LYPD6B: variants seen among roughly 807,000 people sequenced by gnomAD.
The protein encoded by LYPD6B is LY6/PLAUR domain containing 6B.
Under a neutral mutation model 22.8 loss-of-function variants are expected in LYPD6B, and 17 were observed. The ratio of observed to expected loss-of-function variants is 0.75; its 90% CI spans 0.51 to 1.12. LYPD6B has a LOEUF of 1.12. Ranked by LOEUF, LYPD6B falls within the 50% of genes most tolerant of loss-of-function variation. The pLI is 0.00. For missense variants in LYPD6B, 221 were observed against 258.3 expected, an observed-to-expected ratio of 0.86 and a Z score of 0.99; for synonymous variants, 106 against 91.6, an observed-to-expected ratio of 1.16 and a Z score of -0.90.
At chr2:149,177,212 A>C (rs1691381209) in intron 3 of LYPD6B, among the ~76,000 whole-genome samples, 1 of 152,222 alleles carries the variant, frequency 6.6e-6, no homozygotes. Context: ...TTAGCGTTGC[A>C]TGGAGAGAGC....
chr2:149,141,422 G>A (rs534358175), intron 2 of LYPD6B, among the ~76,000 whole-genome samples: 8 of 152,060 alleles, frequency 5.3e-5, no homozygotes, highest in Non-Finnish European at 8.8e-5. Flanking sequence ...CTATCATTTT[G>A]TTCTGTTATT....
At chr2:149,172,987 T>C (rs1690951822) in intron 3 of LYPD6B, among the ~76,000 whole-genome samples, 1 of 151,824 alleles carries the variant, frequency 6.6e-6, no homozygotes, top group South Asian at 2.1e-4. Flanking sequence ...AGCATATATA[T>C]ATATATATAT....
At chr2:149,194,530 A>G (rs1004559951) in intron 3 of LYPD6B, among the ~76,000 whole-genome samples, 1 of 152,208 alleles carries the variant, frequency 6.6e-6, no homozygotes, top group African/African-American at 2.4e-5. Flanking sequence ...GCTGTATTGT[A>G]TTATAGGCCT....
intron 1 of LYPD6B, among the ~76,000 whole-genome samples, chr2:149,059,802 T>C (rs901651077): frequency 2.0e-5 from 3 of 152,222 alleles, no homozygotes; most frequent in South Asian, 2.1e-4. Flanking sequence ...TAGAGAACTT[T>C]CTGGAGCCTG....
At chr2:149,165,043 G>T (rs969663628) in intron 3 of LYPD6B, among the ~76,000 whole-genome samples, 1 of 152,078 alleles carries the variant, frequency 6.6e-6, no homozygotes, top group South Asian at 2.1e-4. Flanking sequence ...TTCACCTGGG[G>T]TCACTCATGC....
At chr2:149,188,110 G>A (rs1361805536) in intron 3 of LYPD6B, among the ~76,000 whole-genome samples, 1 of 152,156 alleles carries the variant, frequency 6.6e-6, no homozygotes, top group African/African-American at 2.4e-5. Context: ...CCTGGGTACA[G>A]CATTCCTAGT....
At chr2:149,097,519 C>T (rs929016833) in intron 1 of LYPD6B, among the ~76,000 whole-genome samples, 1 of 152,168 alleles carries the variant, frequency 6.6e-6, no homozygotes, top group Admixed American at 6.5e-5. Context: ...TTTTTATTTG[C>T]TGAACTAGCA....
At chr2:149,201,351 C>T (rs1445587311) in intron 3 of LYPD6B, among the ~76,000 whole-genome samples, 1 of 152,164 alleles carries the variant, frequency 6.6e-6, no homozygotes, top group Non-Finnish European at 1.5e-5. Context: ...GGCTTAATCT[C>T]ATCCATATAA....
intron 3 of LYPD6B, among the ~76,000 whole-genome samples, chr2:149,175,832 C>T (rs930549183): frequency 4.0e-5 from 6 of 151,840 alleles, no homozygotes; most frequent in African/African-American, 1.5e-4. Flanking sequence ...CTTCCACCTC[C>T]ACATCTTGTC....
Position 149,077,147 on chromosome 2 carries a change from A to G in LYPD6B, c.-67+38346A>G, listed in dbSNP as rs563598222. ...CGACTTGGTGACCAGTGGCCTGTAAAATGCCACAGAACGCCCTGGCAGCTA... is the reference window on the plus strand; with the variant it reads ...CGACTTGGTGACCAGTGGCCTGTAAGATGCCACAGAACGCCCTGGCAGCTA... On this transcript the variant is annotated intron_variant, in intron 1 of 6. Coordinates refer to ENST00000409642, the MANE Select transcript of LYPD6B (RefSeq NM_177964.5). Among the ~76,000 whole-genome samples the G allele has an allele frequency of 1.7e-4, 26 of 152,274 alleles. No homozygotes were observed. The South Asian group carries it at 5.2e-3, about 30-fold the overall frequency.
intron 1 of LYPD6B, among the ~76,000 whole-genome samples, chr2:149,093,439 G>A (rs1333539572): frequency 6.6e-6 from 1 of 152,170 alleles, no homozygotes; most frequent in Non-Finnish European, 1.5e-5. Flanking sequence ...ACTGGGCACA[G>A]TATTCGAAAA....
intron 3 of LYPD6B, among the ~76,000 whole-genome samples, chr2:149,172,381 T>C (rs868355410): frequency 4.6e-5 from 7 of 152,134 alleles, no homozygotes; most frequent in African/African-American, 1.4e-4. Flanking sequence ...CATTAAGGTA[T>C]CAGCAGCAGG....
At chr2:149,044,191 G>A (rs1683208144) in intron 1 of LYPD6B, among the ~76,000 whole-genome samples, 1 of 152,008 alleles carries the variant, frequency 6.6e-6, no homozygotes, top group African/African-American at 2.4e-5. Flanking sequence ...GAATGGAATT[G>A]TATTAAATCT....
At chr2:149,108,880 A>G (rs911481367) in intron 1 of LYPD6B, among the ~76,000 whole-genome samples, 5 of 151,984 alleles carry the variant, frequency 3.3e-5, no homozygotes, top group African/African-American at 1.2e-4. Flanking sequence ...GTTGCTTTAG[A>G]GTTTATAGCA....
chr2:149,187,342 A>T, intron 3 of LYPD6B: 1 of 1,357,758 alleles, frequency 7.4e-7, no homozygotes, highest in Non-Finnish European at 9.6e-7. Context: ...TTAATTATTT[A>T]TGCCCAAATG....
chr2:149,156,461 T>C (rs1345755668), intron 2 of LYPD6B, among the ~76,000 whole-genome samples: 1 of 152,168 alleles, frequency 6.6e-6, no homozygotes, highest in African/African-American at 2.4e-5. Context: ...GCACCACAGA[T>C]GATGTGGCTT....
intron 1 of LYPD6B, among the ~76,000 whole-genome samples, chr2:149,123,360 GC>G: frequency 6.6e-6 from 1 of 152,210 alleles, no homozygotes; most frequent in South Asian, 2.1e-4. Context: ...AGGATTTTGG[GC>G]CTGGTTTTAT....
chr2:149,186,277 A>G (rs370430927), intron 3 of LYPD6B, among the ~76,000 whole-genome samples: 35 of 152,350 alleles, frequency 2.3e-4, no homozygotes, highest in African/African-American at 8.2e-4. Flanking sequence ...AGAAAACAAA[A>G]CAGCCTTATT....
intron 1 of LYPD6B, among the ~76,000 whole-genome samples, chr2:149,041,713 T>A (rs886979480): frequency 1.3e-5 from 2 of 152,082 alleles, no homozygotes; most frequent in Admixed American, 1.3e-4. Context: ...CCATGGGAGA[T>A]GCCTAGGGTG....
Sources: gnomAD v4.1 joint callset for allele counts (sites outside exome capture counted in the v4.1 genomes callset) on GRCh38, gnomAD v4.1.1 for gene constraint, MANE v1.5 for transcripts, NCBI Gene and HGNC (gene_info 2026-07-23, HGNC 2026-07-21) for gene names.